The following ABCC8 variants were observed in gnomAD, a reference collection of about 807,000 sequenced individuals.
The protein encoded by ABCC8 is ATP binding cassette subfamily C member 8, also known as ATP-binding cassette sub-family C member 8.
Under a neutral mutation model 188.0 loss-of-function variants are expected in ABCC8, and 137 were observed. The ratio of observed to expected loss-of-function variants is 0.73; its 90% CI spans 0.63 to 0.84. The LOEUF (loss-of-function observed/expected upper bound fraction) is 0.84. Among genes scored for constraint, ABCC8 ranks in the 40% least tolerant of loss-of-function variants. The probability of loss-of-function intolerance (pLI) is 0.00; values close to 1 mark genes in which losing one functional copy is unlikely to be tolerated. For synonymous variants in ABCC8, 797 were observed against 846.5 expected (o/e 0.94, Z 1.01); for missense variants, 1,750 against 2,072.7 (o/e 0.84, Z 3.02).
intron 22 of ABCC8, among the ~76,000 whole-genome samples, chr11:17,409,605 A>T (rs987059582): frequency 1.3e-5 from 2 of 152,022 alleles, no homozygotes; most frequent in Non-Finnish European, 2.9e-5. Flanking sequence ...TCATACATGG[A>T]AGGAAGATTT....
chr11:17,395,031 T>G, intron 36 of ABCC8, 141 bp downstream of exon 36: 1 of 1,088,466 alleles, frequency 9.2e-7, no homozygotes, highest in Non-Finnish European at 1.3e-6. Context: ...GGCCCCCGTA[T>G]AGTGAGAAGT....
intron 18 of ABCC8, 82 bp from the exon 19 acceptor site, chr11:17,414,692 C>G (rs1954981661): frequency 3.8e-6 from 6 of 1,599,402 alleles, no homozygotes; most frequent in Non-Finnish European, 5.1e-6. Context: ...AAGCTGATGG[C>G]TCAGATGGAG....
At position 17,458,691 on chromosome 11, in the gene ABCC8, G is replaced by C. The variant is rs529090870; in HGVS notation, c.1011+1797C>G. Among the ~76,000 whole-genome samples, 5 of 152,334 alleles carry C rather than the reference G, an allele frequency of 3.3e-5. No homozygotes were observed. In the South Asian group the frequency reaches 1.0e-3, roughly 32 times the overall value. On this transcript the variant is annotated intron_variant, in intron 6 of 38. Coordinates refer to ENST00000389817, the MANE Select transcript of ABCC8 (RefSeq NM_000352.6). ...TAAAGTAGAGAGGCTCAAAAAGCCA[G>C]ATATGGCTTCAAAAGCCATCAAAGT...
At chr11:17,428,823 G>T in intron 12 of ABCC8, 153 bp from the exon 13 acceptor site, 1 of 1,410,082 alleles carries the variant, frequency 7.1e-7, no homozygotes, top group Non-Finnish European at 9.5e-7. Context: ...GTGGGCATGG[G>T]GGCAGGTAAT....
rs1954645931 is a variant in ABCC8, at chr11:17,408,465, A to G, written c.2747T>C (p.Phe916Ser). The change falls in exon 23 of 39, where the codon TTC (phenylalanine) becomes TCC (serine). Residue 916 changes from phenylalanine to serine, a missense_variant. Transcript: ENST00000389817. ...TIQREGTLKDFQRSECQLFEH... is the reference protein window; with the variant it reads ...TIQREGTLKDSQRSECQLFEH... ...AAAGAGCTGGCATTCAGACCTCTGG[A>G]AGTCCTTGAGGGTACCCTCCCTCTG... 1 of 1,613,836 alleles carries G rather than the reference A, an allele frequency of 6.2e-7. No individual in the cohort carries two copies. The highest frequency in any genetic ancestry group is 1.3e-5 in the African/African-American group (1 of 75,038).
chr11:17,392,586 C>G (rs1165841800), downstream of ABCC8: 2 of 351,016 alleles, frequency 5.7e-6, no homozygotes, highest in Non-Finnish European at 1.1e-5. Flanking sequence ...GTCATGTGAG[C>G]ACACAGCCAG....
intron 16 of ABCC8, among the ~76,000 whole-genome samples, chr11:17,420,426 C>T: frequency 6.6e-6 from 1 of 152,212 alleles, no homozygotes; most frequent in Middle Eastern, 3.2e-3. Flanking sequence ...ACAGTCACTT[C>T]CTCAGAGCAT....
At chr11:17,468,595 T>C (rs1280865934) in intron 3 of ABCC8, among the ~76,000 whole-genome samples, 2 of 152,190 alleles carry the variant, frequency 1.3e-5, no homozygotes, top group Non-Finnish European at 2.9e-5. Context: ...AGTTTTCTGA[T>C]ATGTAAAGGG....
In ABCC8 at chr11:17,461,807, T is replaced by C; in HGVS notation, c.598A>G (p.Thr200Ala). The C allele has an allele frequency of 3.1e-6, 5 of 1,614,000 alleles. No homozygotes were observed. Among genetic ancestry groups the C allele is most frequent in the Non-Finnish European group, 4.2e-6 (5 of 1,180,006 alleles). Residue 200 changes from threonine to alanine, a missense_variant, in exon 5 of 39, where the codon ACA becomes GCA. Transcript: ENST00000389817. ...IRVRRYIFFK[T>A]PREVKPPEDL... is the part of the protein sequence containing the mutation. ...TCGGGAGGCTTCACCTCCCTCGGTG[T>C]CTTGAAGAAGATGTATCTCTGTGGG...
At chr11:17,406,313 G>T in intron 26 of ABCC8, 1 of 402,904 alleles carries the variant, frequency 2.5e-6, no homozygotes. Flanking sequence ...GGGTGGGGAT[G>T]GGCAAATTAC....
In ABCC8 at chr11:17,450,619, G is replaced by A. The variant is rs548322129; in HGVS notation, c.1177-1948C>T. Among the ~76,000 whole-genome samples, 12 of 142,594 alleles carry A rather than the reference G, an allele frequency of 8.4e-5. 1 individual carries two copies. The South Asian group carries it at 1.3e-3, about 16-fold the overall frequency. 93.5% of individuals were successfully genotyped at this position (142,594 alleles called of 152,430 possible). A position where few individuals can be genotyped will look rare whatever the true frequency, so the allele number is the denominator to read the frequency against. Reference sequence around the variant, plus strand: ...TCACCATGTTAGCCAGGATGGTCTCGATCTCCTGACCTTGTGATCCACCCG... The same window carrying A: ...TCACCATGTTAGCCAGGATGGTCTCAATCTCCTGACCTTGTGATCCACCCG... On this transcript the variant is annotated intron_variant, in intron 7 of 38. Coordinates refer to ENST00000389817, the MANE Select transcript of ABCC8 (RefSeq NM_000352.6).
intron 10 of ABCC8, among the ~76,000 whole-genome samples, chr11:17,432,648 C>T (rs532904753): frequency 7.2e-5 from 11 of 152,346 alleles, no homozygotes; most frequent in African/African-American, 2.6e-4. Flanking sequence ...AAGCCAGGCT[C>T]TCTATGAAGC....
At chr11:17,449,074 G>C (rs1053815405) in intron 7 of ABCC8, among the ~76,000 whole-genome samples, 13 of 152,110 alleles carry the variant, frequency 8.5e-5, no homozygotes, top group African/African-American at 3.1e-4. Context: ...TTATAGGCAC[G>C]TGCCTACCAT....
chr11:17,397,809 G>C lies in ABCC8; in HGVS notation c.3754-12C>G, dbSNP rs546086223. The C allele has an allele frequency of 2.4e-5, 38 of 1,613,320 alleles. No individual in the cohort carries two copies. Among genetic ancestry groups the C allele is most frequent in the Non-Finnish European group, 3.0e-5 (35 of 1,179,974 alleles). On this transcript the variant is annotated splice_polypyrimidine_tract_variant and intron_variant, in intron 30 of 38. Transcript: ENST00000389817. ...GCACCGATGTACTCCTGGGGAGGGA[G>C]AGGAGCTGACCTGGGCGCTCAGGGG...
intron 2 of ABCC8, 135 bp from the exon 3 acceptor site, chr11:17,470,357 A>C: frequency 6.8e-7 from 1 of 1,481,038 alleles, no homozygotes; most frequent in Non-Finnish European, 9.1e-7. Flanking sequence ...CCCTTTAGTT[A>C]ATGGGCGTAT....
chr11:17,443,335 G>T (rs752084416), intron 8 of ABCC8, 23 bp from the exon 9 acceptor site: 20 of 1,613,834 alleles, frequency 1.2e-5, no homozygotes, highest in African/African-American at 2.7e-5. Flanking sequence ...TCATGGGTCA[G>T]GTCCCTTTGA....
rs764858410 is a variant in ABCC8, at chr11:17,396,888, C to A, written c.4119+28G>T. 4 of 1,612,486 alleles carry A rather than the reference C, an allele frequency of 2.5e-6. No homozygotes were observed. The South Asian group carries it at 4.4e-5, about 18-fold the overall frequency. On this transcript the variant is annotated intron_variant, in intron 33 of 38. Transcript: ENST00000389817. ...CCATCCCCTGCTCACGCCTGTCCTGCAGCATTGGGTTGGGCCCGTGCTCTG... is the reference window on the plus strand; with the variant it reads ...CCATCCCCTGCTCACGCCTGTCCTGAAGCATTGGGTTGGGCCCGTGCTCTG...
At chr11:17,402,088 C>T (rs55706038) in intron 29 of ABCC8, among the ~76,000 whole-genome samples, 17,386 of 152,220 alleles carry the variant, frequency 0.11, 2,970 homozygotes, top group African/African-American at 0.37. Flanking sequence ...CTTTTTAGTG[C>T]CTGGCATGGG....
intron 34 of ABCC8, 52 bp downstream of exon 34, chr11:17,395,800 G>A: frequency 6.4e-7 from 1 of 1,555,090 alleles, no homozygotes; most frequent in Non-Finnish European, 8.7e-7. Context: ...CCAGGGCTGA[G>A]GCCTCATCTG....
Sources: gnomAD v4.1 joint callset for allele counts (sites outside exome capture counted in the v4.1 genomes callset) on GRCh38, gnomAD v4.1.1 for gene constraint, MANE v1.5 for transcripts, NCBI Gene and HGNC (gene_info 2026-07-23, HGNC 2026-07-21) for gene names.